KCNQ1OT1: variants seen among roughly 807,000 people sequenced by gnomAD.
KCNQ1OT1 encodes KCNQ1 antisense RNA 2 (non-protein coding).
At chr11:2,693,701 C>T (rs1259282141) in exon 1 of KCNQ1OT1, 1 of 398,574 alleles carries the variant, frequency 2.5e-6, no homozygotes, top group African/African-American at 2.1e-5. Context: ...GCTCCAGCCT[C>T]ATGGGCCTTC....
chr11:2,649,790 A>T, exon 1 of KCNQ1OT1: 2 of 398,408 alleles, frequency 5.0e-6, no homozygotes, highest in Non-Finnish European at 8.8e-6. Flanking sequence ...TTAGGGTTGA[A>T]TCTATTTAGG....
Position 2,659,273 on chromosome 11 carries a change from C to T in KCNQ1OT1, n.40722G>A. 1 of 398,634 alleles carries T rather than the reference C, an allele frequency of 2.5e-6. No homozygotes were observed. The highest frequency in any genetic ancestry group is 4.4e-6 in the Non-Finnish European group (1 of 226,074). 24.7% of individuals were successfully genotyped at this position (398,634 alleles called of 1,614,324 possible). A position where few individuals can be genotyped will look rare whatever the true frequency, so the allele number is the denominator to read the frequency against. On this transcript the variant is annotated non_coding_transcript_exon_variant, in exon 1 of 1. Coordinates refer to ENST00000597346, the Ensembl canonical transcript of KCNQ1OT1. The surrounding 1 kb of genome is among the most constrained non-coding windows in gnomAD (Gnocchi z 4.3). ...TCTTTTGAAGTCAAGTACTTCTCCC[C>T]TAACCACTGGCAGCTATTGATCTGT... is the stretch of plus-strand genomic sequence containing the variant.
At position 2,645,044 on chromosome 11, in the gene KCNQ1OT1, C is replaced by G. The variant is rs1002480214; in HGVS notation, n.54951G>C. The G allele has an allele frequency of 7.5e-6, 3 of 398,664 alleles. No homozygotes were observed. Among genetic ancestry groups the G allele is most frequent in the African/African-American group, 6.2e-5 (3 of 48,620 alleles). The allele number at this position is 398,664 out of a possible 1,614,324, so 24.7% of individuals were successfully genotyped here. A position where few individuals can be genotyped will look rare whatever the true frequency, so the allele number is the denominator to read the frequency against. ...ATTTTGGGCCTCCAGGCAACTTGCTCAGGTGCCAATGATGACAGAGCTGGG... is the reference window on the plus strand; with the variant it reads ...ATTTTGGGCCTCCAGGCAACTTGCTGAGGTGCCAATGATGACAGAGCTGGG... On this transcript the variant is annotated non_coding_transcript_exon_variant, in exon 1 of 1. Transcript: ENST00000597346. The surrounding 1 kb of genome is among the most constrained non-coding windows in gnomAD (Gnocchi z 5.8).
At chr11:2,656,754 G>T (rs929108717) in exon 1 of KCNQ1OT1, 12 of 398,336 alleles carry the variant, frequency 3.0e-5, no homozygotes, top group Non-Finnish European at 4.9e-5. Flanking sequence ...TCTCTCTCAT[G>T]GTTATTGCTT....
At chr11:2,615,809 T>G (rs766538623) in exon 1 of KCNQ1OT1, 5 of 398,010 alleles carry the variant, frequency 1.3e-5, no homozygotes, top group Non-Finnish European at 2.2e-5. Flanking sequence ...ATAAAAGATT[T>G]TAGTATCTAG....
chr11:2,634,094 A>G (rs904477081), exon 1 of KCNQ1OT1: 16 of 394,742 alleles, frequency 4.1e-5, no homozygotes, highest in African/African-American at 3.4e-4. Context: ...TGCAAGTTTA[A>G]GGATTGTGTT....
chr11:2,628,753 G>A, exon 1 of KCNQ1OT1: 1 of 398,316 alleles, frequency 2.5e-6, no homozygotes. Flanking sequence ...TAGGTTTTAT[G>A]GTTTCAGGTC....
At chr11:2,689,748 T>C in exon 1 of KCNQ1OT1, 1 of 398,658 alleles carries the variant, frequency 2.5e-6, no homozygotes, top group East Asian at 3.6e-5. Flanking sequence ...CTCATTTGTT[T>C]ACAGGAGACT....
At chr11:2,629,156 G>A in exon 1 of KCNQ1OT1, 1 of 398,124 alleles carries the variant, frequency 2.5e-6, no homozygotes, top group Non-Finnish European at 4.4e-6. Context: ...GATAGGCATT[G>A]CCTTGAATCT....
In KCNQ1OT1 at chr11:2,678,675, C is replaced by G. The variant is rs1489875975; in HGVS notation, n.21320G>C. The G allele has an allele frequency of 2.5e-5, 10 of 398,520 alleles. No homozygotes were observed. The highest frequency in any genetic ancestry group is 4.4e-5 in the Non-Finnish European group (10 of 226,078). The allele number at this position is 398,520 out of a possible 1,614,324, so 24.7% of individuals were successfully genotyped here. A position where few individuals can be genotyped will look rare whatever the true frequency, so the allele number is the denominator to read the frequency against. On this transcript the variant is annotated non_coding_transcript_exon_variant, in exon 1 of 1. Transcript: ENST00000597346. This position sits in a 1 kb window ranked among gnomAD's most constrained non-coding sequence, Gnocchi z 4.9. ...ACAAATGCAGTCAACCAGGGGAATT[C>G]ATGGCATGGCCTAAGATCTAAACAC...
At chr11:2,666,257 G>C (rs995421691) in exon 1 of KCNQ1OT1, 4 of 398,558 alleles carry the variant, frequency 1.0e-5, no homozygotes, top group African/African-American at 8.2e-5. Flanking sequence ...GGGAGGACCA[G>C]GACCCCCGAG....
At chr11:2,638,933 G>A (rs1849524546) in exon 1 of KCNQ1OT1, 2 of 151,978 alleles carry the variant, frequency 1.3e-5, no homozygotes, top group African/African-American at 2.4e-5. Flanking sequence ...TTTTTTCTCT[G>A]AACTTCTCTT....
chr11:2,654,455 G>A lies in KCNQ1OT1; in HGVS notation n.45540C>T, dbSNP rs1347727409. ...AGAAGGCAAGGTTCCCGTGCTGAGC[G>A]CCAGGCACACATAAGCCCTGCAGCC... On this transcript the variant is annotated non_coding_transcript_exon_variant, in exon 1 of 1. Transcript: ENST00000597346. The surrounding 1 kb of genome is among the most constrained non-coding windows in gnomAD (Gnocchi z 6.4). 2.8e-5 allele frequency: 11 copies of A among 398,574 alleles called. No individual in the cohort carries two copies. Among genetic ancestry groups the A allele is most frequent in the Admixed American group, 4.4e-5 (1 of 22,714 alleles). The allele number at this position is 398,574 out of a possible 1,614,324, so 24.7% of individuals were successfully genotyped here.
chr11:2,614,405 T>G (rs1589982230), exon 1 of KCNQ1OT1: 1 of 398,564 alleles, frequency 2.5e-6, no homozygotes, highest in Non-Finnish European at 4.4e-6. Context: ...TCAGTGTCAC[T>G]TAGTACATTT....
rs796366722 is a variant in KCNQ1OT1 at position 2,690,267 on chromosome 11, A to G, written n.9728T>C. On this transcript the variant is annotated non_coding_transcript_exon_variant, in exon 1 of 1. Transcript: ENST00000597346. This position sits in a 1 kb window ranked among gnomAD's most constrained non-coding sequence, Gnocchi z 5.1. ...ATGTGGCTGAGCTGCTCCTTGCTGCATCTGCACATATGTGTAGTGTCTTCC... is the reference window on the plus strand; with the variant it reads ...ATGTGGCTGAGCTGCTCCTTGCTGCGTCTGCACATATGTGTAGTGTCTTCC... The G allele has an allele frequency of 2.5e-6, 1 of 398,804 alleles. No homozygotes were observed. Among genetic ancestry groups the G allele is most frequent in the Non-Finnish European group, 4.4e-6 (1 of 226,168 alleles). 24.7% of individuals were successfully genotyped at this position (398,804 alleles called of 1,614,324 possible). A position where few individuals can be genotyped will look rare whatever the true frequency, so the allele number is the denominator to read the frequency against.
rs1162731917 is a variant in KCNQ1OT1 at position 2,679,919 on chromosome 11, A to T, written n.20076T>A. 7.5e-6 allele frequency: 3 copies of T among 397,422 alleles called. No individual in the cohort carries two copies. The highest frequency in any genetic ancestry group is 6.2e-5 in the African/African-American group (3 of 48,520). 24.6% of individuals were successfully genotyped at this position (397,422 alleles called of 1,614,324 possible). ...TTTATTTTTATTTTTTTTGAGGCAG[A>T]GTCTCACTTTGTCACCTAGGCGGGA... On this transcript the variant is annotated non_coding_transcript_exon_variant, in exon 1 of 1. Coordinates refer to ENST00000597346, the Ensembl canonical transcript of KCNQ1OT1. The surrounding 1 kb of genome is among the most constrained non-coding windows in gnomAD (Gnocchi z 4.8).
At position 2,647,079 on chromosome 11, in the gene KCNQ1OT1, G is replaced by A; in HGVS notation, n.52916C>T. The A allele has an allele frequency of 2.5e-6, 1 of 398,538 alleles. No individual in the cohort carries two copies. The highest frequency in any genetic ancestry group is 3.6e-5 in the East Asian group (1 of 28,060). 24.7% of individuals were successfully genotyped at this position (398,538 alleles called of 1,614,324 possible). ...GTCTTGTTCTAGTTCTAAGAGAGAA[G>A]GTGTTTAGCTTTTCCCCAGGTGGCT... On this transcript the variant is annotated non_coding_transcript_exon_variant, in exon 1 of 1. Transcript: ENST00000597346. This position sits in a 1 kb window ranked among gnomAD's most constrained non-coding sequence, Gnocchi z 4.0.
exon 1 of KCNQ1OT1, chr11:2,665,552 C>T (rs1850052120): frequency 2.5e-6 from 1 of 394,608 alleles, no homozygotes; most frequent in African/African-American, 2.1e-5. Context: ...CCATCTGCAG[C>T]CACCAGATTT....
rs1227414122 is a variant in KCNQ1OT1, at chr11:2,686,223, C to A, written n.13772G>T. 4 of 398,664 alleles carry A rather than the reference C, an allele frequency of 1.0e-5. No individual in the cohort carries two copies. The East Asian group carries it at 1.4e-4, about 14-fold the overall frequency. 24.7% of individuals were successfully genotyped at this position (398,664 alleles called of 1,614,324 possible). A position where few individuals can be genotyped will look rare whatever the true frequency, so the allele number is the denominator to read the frequency against. ...ACCCTGCTCCAACCTAGCTGTGTGA[C>A]CTTTAGGCCTTGGGATAGCACACAG... On this transcript the variant is annotated non_coding_transcript_exon_variant, in exon 1 of 1. Coordinates refer to ENST00000597346, the Ensembl canonical transcript of KCNQ1OT1.
Sources: allele counts gnomAD v4.1 joint callset, GRCh38; gene constraint gnomAD v4.1.1; non-coding constraint Gnocchi (gnomAD v3.1); transcripts MANE v1.5; gene names NCBI Gene and HGNC (gene_info 2026-07-23, HGNC 2026-07-21).